Variants in SLC13A3 observed in about 807,000 individuals in gnomAD.
SLC13A3 encodes solute carrier family 13 member 3.
In SLC13A3, 40 loss-of-function variants were observed where a neutral mutation model predicts 59.0. The ratio of observed to expected loss-of-function variants is 0.68; its 90% CI spans 0.53 to 0.88. The LOEUF (loss-of-function observed/expected upper bound fraction) is 0.88, where lower values mean the gene tolerates loss of function less well. Among genes scored for constraint, SLC13A3 ranks in the 40% least tolerant of loss-of-function variants. The probability of loss-of-function intolerance (pLI) is 0.00; values close to 1 mark genes in which losing one functional copy is unlikely to be tolerated. For synonymous variants in SLC13A3, 317 were observed against 330.3 expected, an observed-to-expected ratio of 0.96 and a Z score of 0.44; for missense variants, 699 against 783.2, an observed-to-expected ratio of 0.89 and a Z score of 1.28.
chr20:46,653,433 T>G (rs931225092), upstream of SLC13A3, among the ~76,000 whole-genome samples: 1 of 152,152 alleles, frequency 6.6e-6, no homozygotes, highest in Non-Finnish European at 1.5e-5. Context: ...GTAAAGCCCC[T>G]TCCTCATCCC....
chr20:46,594,201 T>G (rs1045196835), intron 5 of SLC13A3, among the ~76,000 whole-genome samples: 28 of 150,216 alleles, frequency 1.9e-4, no homozygotes, highest in Admixed American at 1.9e-3. Flanking sequence ...ATATTTTTAC[T>G]GTATATATGT....
At chr20:46,590,591 T>C (rs2062243301) in intron 6 of SLC13A3, among the ~76,000 whole-genome samples, 1 of 152,178 alleles carries the variant, frequency 6.6e-6, no homozygotes, top group Non-Finnish European at 1.5e-5. Flanking sequence ...TATGAAAAGT[T>C]GCCCAAAATT....
chr20:46,608,917 G>A, intron 3 of SLC13A3: 1 of 1,550,882 alleles, frequency 6.4e-7, no homozygotes, highest in South Asian at 1.2e-5. Context: ...CCACCCGGCA[G>A]GAAGGACAGA....
chr20:46,647,142 G>A (rs931204229), intron 1 of SLC13A3, among the ~76,000 whole-genome samples: 33 of 152,234 alleles, frequency 2.2e-4, no homozygotes, highest in African/African-American at 7.9e-4. Flanking sequence ...CTTGGCATGT[G>A]GAATGCAGGC....
chr20:46,589,086 A>G, intron 7 of SLC13A3, 74 bp downstream of exon 7: 1 of 1,360,542 alleles, frequency 7.4e-7, no homozygotes, highest in South Asian at 1.3e-5. Context: ...CATGGGCCCA[A>G]GGCCAGGCCA....
chr20:46,613,789 A>G, intron 1 of SLC13A3, 64 bp from the exon 2 acceptor site: 1 of 1,072,204 alleles, frequency 9.3e-7, no homozygotes. Context: ...AAGGAGGCCC[A>G]GGGCTCAGGG....
intron 3 of SLC13A3, among the ~76,000 whole-genome samples, chr20:46,606,057 A>G (rs762865380): frequency 6.6e-6 from 1 of 152,230 alleles, no homozygotes; most frequent in Non-Finnish European, 1.5e-5. Context: ...TTGAACATCT[A>G]CTATGTACCA....
At chr20:46,600,630 G>A in intron 3 of SLC13A3, 1 of 461,570 alleles carries the variant, frequency 2.2e-6, no homozygotes, top group Non-Finnish European at 4.5e-6. Flanking sequence ...AGCTATGAAT[G>A]GTAATGAGTC....
rs1156932191 is a variant in SLC13A3, at chr20:46,575,660, CA to C, written c.1244del (p.Leu415CysfsTer2). On this transcript the variant is annotated frameshift_variant, in exon 10 of 13. Coordinates refer to ENST00000279027, the MANE Select transcript of SLC13A3 (RefSeq NM_022829.6). LOFTEE classifies it high-confidence loss of function. ...TCTCCTGGGCCTTCTTCCAGGTCAGCAAGGGCTCTGTCTCTGTGTTGGGAGC... is the reference window on the plus strand; with the variant it reads ...TCTCCTGGGCCTTCTTCCAGGTCAGCAGGGCTCTGTCTCTGTGTTGGGAGC... The part of the protein sequence containing the change: ...FKAPNTETEP[L>X]LTWKKAQETV... 6.2e-7 allele frequency: 1 copy of C among 1,600,066 alleles called. No homozygotes were observed. The highest frequency in any genetic ancestry group is 8.5e-7 in the Non-Finnish European group (1 of 1,173,016).
At position 46,566,259 on chromosome 20, in the gene SLC13A3, G is replaced by T; in HGVS notation, c.1464C>A (p.Ile488=). 1 of 1,613,716 alleles carries T rather than the reference G, an allele frequency of 6.2e-7. No individual in the cohort carries two copies. Among genetic ancestry groups the T allele is most frequent in the Non-Finnish European group, 8.5e-7 (1 of 1,179,714 alleles). The change falls in exon 11 of 13, where the codon ATC becomes ATA. Residue 488 remains isoleucine, a synonymous_variant. Transcript: ENST00000279027. ...CTGCCAGGACCGGCAGGAAGATGAT[G>T]ATGGTCGCCGTGTTGCTGGCAAACT... is the stretch of plus-strand genomic sequence containing the variant. ...FTEFASNTAT[I]IIFLPVLAEL...
At chr20:46,587,156 A>G (rs1023773053) in intron 8 of SLC13A3, among the ~76,000 whole-genome samples, 1 of 152,170 alleles carries the variant, frequency 6.6e-6, no homozygotes, top group Non-Finnish European at 1.5e-5. Flanking sequence ...TTTTGCCCCC[A>G]CTACCCATTT....
intron 1 of SLC13A3, among the ~76,000 whole-genome samples, chr20:46,639,245 T>A (rs1325962239): frequency 2.0e-5 from 3 of 152,026 alleles, no homozygotes; most frequent in Non-Finnish European, 4.4e-5. Flanking sequence ...GCAGATCACC[T>A]GAGGTCAAGA....
chr20:46,673,483 C>T (rs2063104176), upstream of SLC13A3, among the ~76,000 whole-genome samples: 1 of 152,112 alleles, frequency 6.6e-6, no homozygotes, highest in Admixed American at 6.5e-5. Context: ...AAGTTCTCTG[C>T]TTTTACAAAT....
At chr20:46,562,261 C>T (rs78347600) in intron 12 of SLC13A3, among the ~76,000 whole-genome samples, 5 of 152,190 alleles carry the variant, frequency 3.3e-5, no homozygotes, top group East Asian at 1.9e-4. Context: ...GTCCTGTCCC[C>T]GCTGTTCCCT....
chr20:46,626,886 TGA>T (rs2062679492), intron 1 of SLC13A3, among the ~76,000 whole-genome samples: 1 of 133,172 alleles, frequency 7.5e-6, no homozygotes, highest in South Asian at 2.3e-4. Flanking sequence ...CTGGCCCTCT[TGA>T]CCCCACGCAC....
upstream of SLC13A3, among the ~76,000 whole-genome samples, chr20:46,674,607 G>A (rs1475252211): frequency 2.5e-5 from 2 of 79,854 alleles, no homozygotes; most frequent in Non-Finnish European, 6.2e-5. Context: ...GCGCGCGCGT[G>A]TGTGTGTGTG....
rs760568415 is a variant in SLC13A3 at position 46,596,203 on chromosome 20, G to C, written c.748C>G (p.Leu250Val). 5.0e-6 allele frequency: 8 copies of C among 1,614,122 alleles called. No individual in the cohort carries two copies. The highest frequency in any genetic ancestry group is 4.4e-5 in the South Asian group (4 of 91,078). ...YSASIGGTAT[L>V]TGTAPNLILL... ...ATGAGGTTAGGGGCTGTGCCCGTGA[G>C]TGTGGCTGTGCCCCCAATACTGGCT... is the stretch of plus-strand genomic sequence containing the variant. The change falls in exon 5 of 13, where the codon CTC (leucine) becomes GTC (valine). Residue 250 changes from leucine to valine, a missense_variant. Transcript: ENST00000279027.
At chr20:46,655,898 A>G (rs1373372456), upstream of SLC13A3, among the ~76,000 whole-genome samples, 2 of 140,638 alleles carry the variant, frequency 1.4e-5, no homozygotes, top group African/African-American at 5.3e-5. Flanking sequence ...TATAATATAT[A>G]TACTGTACAG....
At chr20:46,662,009 T>C (rs1162974626) in intron 1 of SLC13A3, among the ~76,000 whole-genome samples, 1 of 152,108 alleles carries the variant, frequency 6.6e-6, no homozygotes, top group African/African-American at 2.4e-5. Flanking sequence ...GTGAGTAGAG[T>C]TTATCTCCAT....
Sources: gnomAD v4.1 joint callset for allele counts (sites outside exome capture counted in the v4.1 genomes callset) on GRCh38, gnomAD v4.1.1 for gene constraint, MANE v1.5 for transcripts, NCBI Gene and HGNC (gene_info 2026-07-23, HGNC 2026-07-21) for gene names.